Variants in EIF3I observed in about 807,000 individuals in gnomAD.
EIF3I encodes eukaryotic translation initiation factor 3 subunit I, also known as TGF-beta receptor-interacting protein 1.
EIF3I carries 20 observed loss-of-function variants against 43.3 expected under a neutral mutation model. The ratio of observed to expected loss-of-function variants is 0.46; its 90% CI spans 0.32 to 0.67. The LOEUF (loss-of-function observed/expected upper bound fraction) is 0.67. EIF3I is among the 30% of genes least tolerant of loss of function. The pLI is 0.03. For missense variants in EIF3I, 279 were observed against 421.4 expected (o/e 0.66, Z 2.96); for synonymous variants, 167 against 151.7 (o/e 1.10, Z -0.74).
At chr1:32,229,061 G>C in intron 8 of EIF3I, 74 bp from the exon 9 acceptor site, 2 of 1,491,592 alleles carry the variant, frequency 1.3e-6, no homozygotes, top group South Asian at 2.4e-5. Flanking sequence ...TGTTAAAAAT[G>C]TATATGGCAG....
At chr1:32,222,721 C>A in intron 2 of EIF3I, 91 bp downstream of exon 2, 3 of 1,284,802 alleles carry the variant, frequency 2.3e-6, no homozygotes, top group Non-Finnish European at 3.4e-6. Flanking sequence ...AGCGGGGAAC[C>A]AAAGAGCAGC....
At chr1:32,222,682 C>T in intron 2 of EIF3I, 52 bp downstream of exon 2, 2 of 1,566,502 alleles carry the variant, frequency 1.3e-6, no homozygotes, top group Non-Finnish European at 1.8e-6. Context: ...TCTGCCAGGA[C>T]GATGGGTGGA....
chr1:32,226,972 A>G (rs948152730), intron 6 of EIF3I, among the ~76,000 whole-genome samples: 2 of 151,244 alleles, frequency 1.3e-5, no homozygotes, highest in Non-Finnish European at 1.5e-5. Flanking sequence ...AGCTGGGACT[A>G]TAGGCACCTG....
At chr1:32,222,414 T>G (rs1557550691) in exon 1 of EIF3I, 1 of 1,590,868 alleles carries the variant, frequency 6.3e-7, no homozygotes. Flanking sequence ...CTTACTCACG[T>G]TGCGGCCTTC....
At chr1:32,223,160 G>T (rs966570344) in intron 2 of EIF3I, among the ~76,000 whole-genome samples, 5 of 152,190 alleles carry the variant, frequency 3.3e-5, no homozygotes, top group Admixed American at 1.3e-4. Context: ...ATAGGTGCAG[G>T]CTGTGTTATT....
At chr1:32,228,796 C>G in exon 8 of EIF3I, 1 of 1,614,030 alleles carries the variant, frequency 6.2e-7, no homozygotes, top group Non-Finnish European at 8.5e-7. Flanking sequence ...CTCAGCTGCC[C>G]TCTCCCCCAA....
At chr1:32,226,408 A>C (rs1639147596) in exon 6 of EIF3I, 1 of 1,606,874 alleles carries the variant, frequency 6.2e-7, no homozygotes, top group Non-Finnish European at 8.5e-7. Flanking sequence ...CACAGACAAC[A>C]ATGAGCCCTA....
At chr1:32,224,899 T>C (rs1639119330) in intron 4 of EIF3I, among the ~76,000 whole-genome samples, 1 of 152,140 alleles carries the variant, frequency 6.6e-6, no homozygotes, top group South Asian at 2.1e-4. Context: ...AGTGGCACAA[T>C]CTTGGCTTAC....
rs1401699450 is a variant in EIF3I at position 32,225,846 on chromosome 1, C to T, written c.251-325C>T. Among the ~76,000 whole-genome samples, 5 of 151,756 alleles carry T rather than the reference C, an allele frequency of 3.3e-5. No individual in the cohort carries two copies. The East Asian group carries it at 9.7e-4, about 29-fold the overall frequency. On this transcript the variant is annotated intron_variant, in intron 4 of 11. Transcript: ENST00000676679. ...ACCATCCTGGCTAACACGGTGAAATCCCGTCTCTACTAAAAATACAAAAAA... is the reference window on the plus strand; with the variant it reads ...ACCATCCTGGCTAACACGGTGAAATTCCGTCTCTACTAAAAATACAAAAAA...
chr1:32,223,520 G>A (rs1274629845), intron 2 of EIF3I, among the ~76,000 whole-genome samples: 2 of 152,078 alleles, frequency 1.3e-5, no homozygotes, highest in Non-Finnish European at 2.9e-5. Context: ...CCTGACCTCA[G>A]GTGATCCGCC....
intron 5 of EIF3I, 25 bp from the exon 6 acceptor site, chr1:32,226,378 G>C: frequency 6.2e-7 from 1 of 1,611,728 alleles, no homozygotes; most frequent in Non-Finnish European, 8.5e-7. Flanking sequence ...AGAGCCCAGG[G>C]CCTAACATCT....
intron 2 of EIF3I, 119 bp downstream of exon 2, chr1:32,222,749 GA>G: frequency 1.0e-6 from 1 of 999,084 alleles, no homozygotes; most frequent in Non-Finnish European, 1.5e-6. Flanking sequence ...GAGAAGTAGG[GA>G]GAGGCCATGC....
At chr1:32,231,203 G>A in exon 12 of EIF3I, 1 of 1,613,524 alleles carries the variant, frequency 6.2e-7, no homozygotes, top group Non-Finnish European at 8.5e-7. Context: ...TTAAGAAGCT[G>A]GATCTCCTGC....
chr1:32,223,306 C>T (rs907349974), intron 2 of EIF3I, among the ~76,000 whole-genome samples: 6 of 151,950 alleles, frequency 3.9e-5, no homozygotes, highest in Admixed American at 3.3e-4. Flanking sequence ...TTTCTTGAGA[C>T]GGAGTCTCGC....
intron 4 of EIF3I, among the ~76,000 whole-genome samples, chr1:32,225,608 G>A (rs1269307584): frequency 6.6e-6 from 1 of 151,916 alleles, no homozygotes; most frequent in African/African-American, 2.4e-5. Flanking sequence ...AGGCATGGTG[G>A]TGGGCACCTG....
At chr1:32,224,332 C>A in intron 3 of EIF3I, 78 bp from the exon 4 acceptor site, 1 of 1,307,958 alleles carries the variant, frequency 7.6e-7, no homozygotes, top group African/African-American at 1.5e-5. Context: ...TGGGGCTGAA[C>A]AGGGAGATGA....
intron 8 of EIF3I, 47 bp from the exon 9 acceptor site, chr1:32,229,088 G>A: frequency 1.3e-6 from 2 of 1,574,210 alleles, no homozygotes; most frequent in Admixed American, 1.9e-5. Flanking sequence ...AACACAAAAT[G>A]GACTTGGTGT....
intron 6 of EIF3I, among the ~76,000 whole-genome samples, chr1:32,226,888 A>AGTG (rs1639156375): frequency 7.9e-6 from 1 of 127,116 alleles, no homozygotes; most frequent in African/African-American, 3.1e-5. Flanking sequence ...GCTGGAGTGC[A>AGTG]GTGGTACGAT....
At chr1:32,226,815 C>T (rs900118863) in intron 6 of EIF3I, among the ~76,000 whole-genome samples, 17 of 142,960 alleles carry the variant, frequency 1.2e-4, no homozygotes, top group African/African-American at 3.6e-4. Context: ...GGCAGTCCAC[C>T]GCTCGTGGCT....
Sources: allele counts gnomAD v4.1 joint callset (sites outside exome capture counted in the v4.1 genomes callset), GRCh38; gene constraint gnomAD v4.1.1; transcripts MANE v1.5; gene names NCBI Gene and HGNC (gene_info 2026-07-23, HGNC 2026-07-21).